The following GDPD5 variants were observed in gnomAD, a reference collection of about 807,000 sequenced individuals.
GDPD5 encodes glycerophosphodiester phosphodiesterase 2.
GDPD5 carries 48 observed loss-of-function variants against 75.1 expected under a neutral mutation model. The ratio of observed to expected loss-of-function variants is 0.64; its 90% confidence interval spans 0.51 to 0.81. The LOEUF (loss-of-function observed/expected upper bound fraction) is 0.81. Among genes scored for constraint, GDPD5 ranks in the 40% least tolerant of loss-of-function variants. The pLI is 0.00. For synonymous variants in GDPD5, 336 were observed against 339.0 expected, an observed-to-expected ratio of 0.99 and a Z score of 0.10; for missense variants, 706 against 822.6, an observed-to-expected ratio of 0.86 and a Z score of 1.73.
At chr11:75,442,272 A>T (rs575574610) in intron 12 of GDPD5, 91 bp downstream of exon 12, 47 of 953,834 alleles carry the variant, frequency 4.9e-5, no homozygotes, top group Non-Finnish European at 6.8e-5. Context: ...GGAAAGCTGA[A>T]GTCCGGAGTG....
chr11:75,471,051 G>A (rs1034147435), intron 3 of GDPD5, among the ~76,000 whole-genome samples: 2 of 152,236 alleles, frequency 1.3e-5, no homozygotes, highest in African/African-American at 4.8e-5. Context: ...AAGAGGGAGA[G>A]ACTGAAGAGT....
At chr11:75,514,315 T>C (rs1592163096) in intron 1 of GDPD5, among the ~76,000 whole-genome samples, 1 of 152,070 alleles carries the variant, frequency 6.6e-6, no homozygotes, top group South Asian at 2.1e-4. Flanking sequence ...AGGAGAAGGG[T>C]CTTCAGTCAG....
chr11:75,501,487 C>T (rs970526671), intron 1 of GDPD5, among the ~76,000 whole-genome samples: 2 of 152,250 alleles, frequency 1.3e-5, no homozygotes, highest in Non-Finnish European at 2.9e-5. Context: ...CACAGGGACA[C>T]AAACATCCTG....
chr11:75,476,500 A>G (rs1374557738), intron 3 of GDPD5, among the ~76,000 whole-genome samples: 2 of 151,892 alleles, frequency 1.3e-5, no homozygotes, highest in Non-Finnish European at 2.9e-5. Context: ...TAAGAGGGAA[A>G]GCTGTGACAT....
chr11:75,442,632 C>G, intron 11 of GDPD5, 51 bp from the exon 12 acceptor site: 1 of 1,530,498 alleles, frequency 6.5e-7, no homozygotes, highest in Non-Finnish European at 9.0e-7. Flanking sequence ...CCTTTGGGGG[C>G]CCCCACATAC....
intron 1 of GDPD5, among the ~76,000 whole-genome samples, chr11:75,503,880 T>C (rs573591361): frequency 1.0e-3 from 158 of 152,276 alleles, no homozygotes; most frequent in African/African-American, 3.7e-3. Flanking sequence ...CCCAGCCCCC[T>C]GCCTCCCCCA....
intron 1 of GDPD5, among the ~76,000 whole-genome samples, chr11:75,496,538 C>A (rs961156711): frequency 6.6e-6 from 1 of 152,188 alleles, no homozygotes; most frequent in African/African-American, 2.4e-5. Flanking sequence ...GTGAGCAGGA[C>A]GTGACAGGAC....
At chr11:75,519,620 A>G (rs1950713743) in intron 1 of GDPD5, among the ~76,000 whole-genome samples, 1 of 152,140 alleles carries the variant, frequency 6.6e-6, no homozygotes, top group Admixed American at 6.5e-5. Flanking sequence ...TCACAACTCT[A>G]TGATGAAGAT....
At position 75,437,229 on chromosome 11, in the gene GDPD5, G is replaced by C. The variant is rs1948649956; in HGVS notation, c.1557-181C>G. 3 of 577,004 alleles carry C rather than the reference G, an allele frequency of 5.2e-6. No individual in the cohort carries two copies. In the South Asian group the frequency reaches 6.5e-5, roughly 12 times the overall value. The allele number at this position is 577,004 out of a possible 1,614,324, so 35.7% of individuals were successfully genotyped here. On this transcript the variant is annotated intron_variant, in intron 15 of 16. Transcript: ENST00000336898. Reference sequence around the variant, plus strand: ...GTTGGGGCTTGAATCAGAGCCTACTGACTCTCGGCCAGGGCTCCCTGGCCT... The same window carrying C: ...GTTGGGGCTTGAATCAGAGCCTACTCACTCTCGGCCAGGGCTCCCTGGCCT...
intron 3 of GDPD5, among the ~76,000 whole-genome samples, chr11:75,477,315 T>A (rs990370810): frequency 3.9e-5 from 6 of 152,236 alleles, no homozygotes; most frequent in African/African-American, 1.4e-4. Flanking sequence ...TGTCAAGATC[T>A]GCCAGGAAGC....
chr11:75,517,828 AT>A (rs1950675218), intron 1 of GDPD5, among the ~76,000 whole-genome samples: 1 of 152,008 alleles, frequency 6.6e-6, no homozygotes, highest in Non-Finnish European at 1.5e-5. Context: ...ATCCTCTGAC[AT>A]TCTTCAGTTC....
intron 2 of GDPD5, chr11:75,485,834 G>C (rs1337612374): frequency 6.6e-6 from 1 of 152,228 alleles, no homozygotes; most frequent in Non-Finnish European, 1.5e-5. Flanking sequence ...GGGGAGGAAA[G>C]GAAAAACCCC....
At position 75,449,981 on chromosome 11, in the gene GDPD5, G is replaced by C. The variant is rs774908785; in HGVS notation, c.378C>G (p.Ile126Met). 3 of 1,613,328 alleles carry C rather than the reference G, an allele frequency of 1.9e-6. No individual in the cohort carries two copies. Among genetic ancestry groups the C allele is most frequent in the South Asian group, 1.1e-5 (1 of 91,076 alleles). ...TGGAAGCCAGGATGACCACCAGCCC[G>C]ATCTGGAGGGGGAAGAGTCACCGGA... ...QQMNLHWLHK[I>M]GLVVILASTV... The change falls in exon 7 of 17, where the codon ATC becomes ATG. Residue 126 changes from isoleucine to methionine, a missense_variant and splice_region_variant. Physicochemically the swap from Ile to Met is conservative, Grantham distance 10. Transcript: ENST00000336898.
intron 12 of GDPD5, 44 bp downstream of exon 12, chr11:75,442,319 C>A (rs748582968): frequency 2.0e-5 from 29 of 1,450,688 alleles, no homozygotes; most frequent in Middle Eastern, 2.4e-4. Flanking sequence ...GGGCTCTAGC[C>A]AGGCCAGGGC....
intron 1 of GDPD5, among the ~76,000 whole-genome samples, chr11:75,510,146 C>T (rs546673476): frequency 3.9e-5 from 6 of 152,342 alleles, no homozygotes; most frequent in South Asian, 2.1e-4. Context: ...TCCCTGGCAG[C>T]GGGAGGGCTG....
At chr11:75,515,544 A>C (rs758077179) in intron 1 of GDPD5, among the ~76,000 whole-genome samples, 4 of 152,090 alleles carry the variant, frequency 2.6e-5, no homozygotes, top group Non-Finnish European at 4.4e-5. Flanking sequence ...GACCCTCTGA[A>C]CTCAGAGTGG....
At chr11:75,437,374 C>T in intron 15 of GDPD5, 1 of 317,066 alleles carries the variant, frequency 3.2e-6, no homozygotes, top group Non-Finnish European at 5.8e-6. Flanking sequence ...GATTTGGGAG[C>T]AGGAGGAGCT....
chr11:75,449,801 C>A (rs1426589835), intron 7 of GDPD5, 84 bp downstream of exon 7: 2 of 1,461,072 alleles, frequency 1.4e-6, no homozygotes, highest in Non-Finnish European at 1.9e-6. Context: ...CGCCTCCCTG[C>A]CCTTCTTTGG....
Position 75,462,810 on chromosome 11 carries a change from TG to T in GDPD5, c.196del (p.His66ThrfsTer27). On this transcript the variant is annotated frameshift_variant, in exon 4 of 17. Coordinates refer to ENST00000336898, the MANE Select transcript of GDPD5 (RefSeq NM_030792.8). LOFTEE classifies it high-confidence loss of function. ...LTWLYFWWEV[H>X]NDYDEFNWYL... ...CCAGTTGAATTCATCATAGTCATTGTGGACTTCCCACCAGAAGTAAAGCCAG... is the reference window on the plus strand; with the variant it reads ...CCAGTTGAATTCATCATAGTCATTGTGACTTCCCACCAGAAGTAAAGCCAG... 6.2e-7 allele frequency: 1 copy of T among 1,614,052 alleles called. No individual in the cohort carries two copies. Among genetic ancestry groups the T allele is most frequent in the Non-Finnish European group, 8.5e-7 (1 of 1,179,926 alleles).
Sources: allele counts gnomAD v4.1 joint callset (sites outside exome capture counted in the v4.1 genomes callset), GRCh38; gene constraint gnomAD v4.1.1; transcripts MANE v1.5; gene names NCBI Gene and HGNC (gene_info 2026-07-23, HGNC 2026-07-21).